The following PGBD5 variants were observed in gnomAD, a reference collection of about 807,000 sequenced individuals.
PGBD5 encodes the protein piggyBac transposable element-derived protein 5.
Under a neutral mutation model 47.9 loss-of-function variants are expected in PGBD5, and 14 were observed. That is an observed-to-expected ratio of 0.29 (90% CI 0.19 to 0.46). The LOEUF is 0.46. PGBD5 is among the 20% of genes least tolerant of loss of function. The pLI, the probability that PGBD5 is intolerant of heterozygous loss-of-function variation, is 1.00. For missense variants in PGBD5, 635 were observed against 716.0 expected (o/e 0.89, Z 1.29); for synonymous variants, 316 against 306.3 (o/e 1.03, Z -0.33).
chr1:230,348,747 G>A (rs911245108), intron 3 of PGBD5, among the ~76,000 whole-genome samples: 10 of 152,194 alleles, frequency 6.6e-5, no homozygotes, highest in Admixed American at 5.9e-4. Flanking sequence ...CCTGCGCTGT[G>A]CCTGCCACAG....
Position 230,317,685 on chromosome 1 carries a change from A to T in PGBD5, c.*5740T>A, listed in dbSNP as rs1382319777. On this transcript the variant is annotated 3_prime_UTR_variant, in exon 7 of 7. Transcript: ENST00000391860. ...GGCCATAAAGTGCCCCTTCCACCTG[A>T]GGGAGCCAGGAGGCTTGACACGTGA... is the stretch of plus-strand genomic sequence containing the variant. The T allele has an allele frequency of 6.6e-6, 1 of 152,076 alleles. No individual in the cohort carries two copies. Among genetic ancestry groups the T allele is most frequent in the Non-Finnish European group, 1.5e-5 (1 of 68,022 alleles). The allele number at this position is 152,076 out of a possible 1,614,324, so 9.4% of individuals were successfully genotyped here.
At chr1:230,326,148 T>G (rs1437554095) in intron 5 of PGBD5, among the ~76,000 whole-genome samples, 1 of 152,270 alleles carries the variant, frequency 6.6e-6, no homozygotes, top group Non-Finnish European at 1.5e-5. Flanking sequence ...CTGCGCACGG[T>G]GGCTCACGCC....
rs574331069 is a variant in PGBD5, at chr1:230,355,112, C to T, written c.759+1782G>A. 2.0e-5 allele frequency among the ~76,000 whole-genome samples: 3 copies of T among 152,318 alleles called. No homozygotes were observed. In the South Asian group the frequency reaches 6.2e-4, roughly 32 times the overall value. On this transcript the variant is annotated intron_variant, in intron 2 of 6. Coordinates refer to ENST00000391860, the MANE Select transcript of PGBD5 (RefSeq NM_001258311.2). ...ACACGATCATCCTTCTAGGCTCTCC[C>T]TGTTCCTGGTACCCCGGTACTGCCC...
intron 1 of PGBD5, among the ~76,000 whole-genome samples, chr1:230,414,100 A>G (rs1657468113): frequency 6.6e-6 from 1 of 152,114 alleles, no homozygotes; most frequent in Non-Finnish European, 1.5e-5. Context: ...CGAACATTGG[A>G]TCACTCTTAG....
Position 230,338,271 on chromosome 1 carries a change from T to C in PGBD5, c.895-983A>G, listed in dbSNP as rs1330066971. Reference sequence around the variant, plus strand: ...ATCCGTTTATGAGCTCATAGTTCTGTAGGCTGGAGGTCTGAGCAGGGCACG... The same window carrying C: ...ATCCGTTTATGAGCTCATAGTTCTGCAGGCTGGAGGTCTGAGCAGGGCACG... On this transcript the variant is annotated intron_variant, in intron 3 of 6. Transcript: ENST00000391860. Among the ~76,000 whole-genome samples, 4 of 152,232 alleles carry C rather than the reference T, an allele frequency of 2.6e-5. No homozygotes were observed. The South Asian group carries it at 8.3e-4, about 31-fold the overall frequency.
chr1:230,381,808 C>G (rs1265397247), intron 1 of PGBD5, among the ~76,000 whole-genome samples: 1 of 152,124 alleles, frequency 6.6e-6, no homozygotes, highest in East Asian at 1.9e-4. Flanking sequence ...CCCCTCCCCT[C>G]ATTTCCTTTC....
At chr1:230,359,969 C>T (rs1667717951) in intron 1 of PGBD5, among the ~76,000 whole-genome samples, 1 of 152,116 alleles carries the variant, frequency 6.6e-6, no homozygotes, top group Non-Finnish European at 1.5e-5. Flanking sequence ...GGGCCGATTC[C>T]GCAGGTGTAG....
chr1:230,322,217 CT>C lies in PGBD5; in HGVS notation c.*1207del, dbSNP rs1667042967. 1 of 152,236 alleles carries C rather than the reference CT, an allele frequency of 6.6e-6. No individual in the cohort carries two copies. Among genetic ancestry groups the C allele is most frequent in the South Asian group, 2.1e-4 (1 of 4,822 alleles). The allele number at this position is 152,236 out of a possible 1,614,324, so 9.4% of individuals were successfully genotyped here. A position where few individuals can be genotyped will look rare whatever the true frequency, so the allele number is the denominator to read the frequency against. ...CTGCCTGGGGGACACACGAGCCTCG[CT>C]GCCAGTGCCGGGCACGCAGCCTCTC... On this transcript the variant is annotated 3_prime_UTR_variant, in exon 7 of 7. Coordinates refer to ENST00000391860, the MANE Select transcript of PGBD5 (RefSeq NM_001258311.2). This position sits in a 1 kb window ranked among gnomAD's most constrained non-coding sequence, Gnocchi z 5.9.
At chr1:230,362,297 C>T in intron 1 of PGBD5, 4 of 1,367,738 alleles carry the variant, frequency 2.9e-6, no homozygotes, top group Non-Finnish European at 3.9e-6. Flanking sequence ...CTGAGTTTCC[C>T]CACGGGTGTG....
rs866761051 is a variant in PGBD5, at chr1:230,360,001, C to T, written c.332-2680G>A. The stretch of plus-strand genomic sequence containing the variant: ...GTAGCCTGAAGCTCCACACCTACTC[C>T]TAATGAAAATCATTTTATTTCAGCA... On this transcript the variant is annotated intron_variant, in intron 1 of 6. Transcript: ENST00000391860. Among the ~76,000 whole-genome samples the T allele has an allele frequency of 3.9e-5, 6 of 152,304 alleles. No individual in the cohort carries two copies. The Middle Eastern group carries it at 0.01, about 259-fold the overall frequency.
rs140068992 is a variant in PGBD5 at position 230,369,124 on chromosome 1, A to G, written c.332-11803T>C. 3.9e-3 allele frequency among the ~76,000 whole-genome samples: 587 copies of G among 152,362 alleles called. 4 individuals carry two copies. Among genetic ancestry groups the G allele is most frequent in the African/African-American group, 0.014 (567 of 41,592 alleles). On this transcript the variant is annotated intron_variant, in intron 1 of 6. Transcript: ENST00000391860. ...TGAAGCCAGAAGACTGCAAGGCCCC[A>G]AAGGTTCTGGCTCTTTCCAACCCAA...
intron 1 of PGBD5, among the ~76,000 whole-genome samples, chr1:230,414,797 C>A (rs926707671): frequency 2.0e-5 from 3 of 152,202 alleles, no homozygotes; most frequent in Non-Finnish European, 4.4e-5. Flanking sequence ...AATGTCATTA[C>A]GTCAGATAAG....
chr1:230,314,581 C>CTTTTTTTTTTTTTTTTTTTTTTTTT lies in PGBD5; in HGVS notation c.*8843_*8844insAAAAAAAAAAAAAAAAAAAAAAAAA. The CTTTTTTTTTTTTTTTTTTTTTTTTT allele has an allele frequency of 1.1e-5, 1 of 88,384 alleles. No individual in the cohort carries two copies. Among genetic ancestry groups the CTTTTTTTTTTTTTTTTTTTTTTTTT allele is most frequent in the Non-Finnish European group, 2.2e-5 (1 of 45,434 alleles). The allele number at this position is 88,384 out of a possible 1,614,324, so 5.5% of individuals were successfully genotyped here. Reference sequence around the variant, plus strand: ...ACATGACAAAATGCTTGAATTAAATCTTTTTTTTTTTTTTTTTTTTTTTTG... The same window carrying CTTTTTTTTTTTTTTTTTTTTTTTTT: ...ACATGACAAAATGCTTGAATTAAATCTTTTTTTTTTTTTTTTTTTTTTTTTTTTTTTTTTTTTTTTTTTTTTTTTG... On this transcript the variant is annotated 3_prime_UTR_variant, in exon 7 of 7. Transcript: ENST00000391860.
At chr1:230,350,831 G>A in intron 3 of PGBD5, 127 bp downstream of exon 3, 1 of 1,357,238 alleles carries the variant, frequency 7.4e-7, no homozygotes, top group Non-Finnish European at 9.9e-7. Flanking sequence ...GAGCATCTGG[G>A]TGGACTTGGA....
At chr1:230,351,507 G>A (rs1236906343) in intron 2 of PGBD5, among the ~76,000 whole-genome samples, 12 of 152,066 alleles carry the variant, frequency 7.9e-5, no homozygotes, top group Admixed American at 7.9e-4. Flanking sequence ...TTCCACTCAT[G>A]GAAAGTTCCA....
chr1:230,363,437 C>T (rs1332950970), intron 1 of PGBD5, among the ~76,000 whole-genome samples: 2 of 152,134 alleles, frequency 1.3e-5, no homozygotes, highest in African/African-American at 4.8e-5. Flanking sequence ...CAAAAATTAG[C>T]TGGGTGTGGT....
At chr1:230,383,092 C>G (rs1178578389) in intron 1 of PGBD5, among the ~76,000 whole-genome samples, 3 of 152,154 alleles carry the variant, frequency 2.0e-5, no homozygotes, top group Admixed American at 2.0e-4. Context: ...ATATTTGAGA[C>G]AAGGTCTTGC....
chr1:230,330,207 A>C (rs926190750), intron 5 of PGBD5, among the ~76,000 whole-genome samples: 1 of 152,198 alleles, frequency 6.6e-6, no homozygotes, highest in Non-Finnish European at 1.5e-5. Flanking sequence ...ATCTGGGGGC[A>C]TCTTCACCTG....
At chr1:230,418,356 T>C (rs541018715) in intron 1 of PGBD5, among the ~76,000 whole-genome samples, 45 of 152,248 alleles carry the variant, frequency 3.0e-4, no homozygotes, top group Non-Finnish European at 5.3e-4. Context: ...AATATAAAGA[T>C]AGGACTGCTC....
Sources: allele counts gnomAD v4.1 joint callset (sites outside exome capture counted in the v4.1 genomes callset), GRCh38; gene constraint gnomAD v4.1.1; non-coding constraint Gnocchi (gnomAD v3.1); transcripts MANE v1.5; gene names NCBI Gene and HGNC (gene_info 2026-07-23, HGNC 2026-07-21).